Variants in TAF1L observed in about 807,000 individuals in gnomAD.
TAF1L encodes TATA-box binding protein associated factor 1 like, also known as transcription initiation factor TFIID subunit 1-like.
Under a neutral mutation model 128.8 loss-of-function variants are expected in TAF1L, and 30 were observed. That is an observed-to-expected ratio of 0.23 (90% CI 0.17 to 0.32). The LOEUF (loss-of-function observed/expected upper bound fraction) is 0.32. TAF1L is among the 10% of genes least tolerant of loss of function. The probability of loss-of-function intolerance (pLI) is 1.00; values close to 1 mark genes in which losing one functional copy is unlikely to be tolerated. For synonymous variants in TAF1L, 764 were observed against 790.7 expected, an observed-to-expected ratio of 0.97 and a Z score of 0.57; for missense variants, 2,099 against 2,253.7, an observed-to-expected ratio of 0.93 and a Z score of 1.39.
Position 32,630,090 on chromosome 9 carries a change from A to G in TAF1L, c.*9T>C. The stretch of plus-strand genomic sequence containing the variant: ...CCCACCGTCTCCCTCATGGGACATC[A>G]TGCTTTCTTCATTTTCCGTGCCCAT... On this transcript the variant is annotated 3_prime_UTR_variant, in exon 1 of 1. Coordinates refer to ENST00000242310, the MANE Select transcript of TAF1L (RefSeq NM_153809.2). 1.9e-6 allele frequency: 3 copies of G among 1,614,058 alleles called. No individual in the cohort carries two copies. The highest frequency in any genetic ancestry group is 1.7e-6 in the Non-Finnish European group (2 of 1,179,972).
rs55991718 is a variant in TAF1L, at chr9:32,634,813, C to G, written c.767G>C (p.Gly256Ala). Reference sequence around the variant, plus strand: ...AAGATGTAGGAAGCGTAACACTTTTCCAGGTCGAAATTCTGGAAAAAGTTC... The same window carrying G: ...AAGATGTAGGAAGCGTAACACTTTTGCAGGTCGAAATTCTGGAAAAAGTTC... ...VTELFPEFRP[G>A]KVLRFLHLFG... The change falls in exon 1 of 1, where the codon GGA (glycine) becomes GCA (alanine). Residue 256 changes from glycine to alanine, a missense_variant. Around this residue, in one of 4 missense-constraint regions of TAF1L, gnomAD observed 473 missense variants for 429.6 expected, o/e 1.10. Transcript: ENST00000242310. The G allele has an allele frequency of 7.6e-3, 12,214 of 1,614,154 alleles. 58 individuals are homozygous for G. Among genetic ancestry groups the G allele is most frequent in the Non-Finnish European group, 8.1e-3 (9,558 of 1,180,026 alleles).
rs533375922 is a variant in TAF1L at position 32,632,131 on chromosome 9, C to G, written c.3449G>C (p.Arg1150Pro). The change falls in exon 1 of 1, where the codon CGA (arginine) becomes CCA (proline). Residue 1150 changes from arginine to proline, a missense_variant. Arg to Pro is a moderately radical substitution (Grantham distance 103). Coordinates refer to ENST00000242310, the MANE Select transcript of TAF1L (RefSeq NM_153809.2). This position sits in a 1 kb window ranked among gnomAD's most constrained non-coding sequence, Gnocchi z 4.4. Reference sequence around the variant, plus strand: ...TGCTGAGCCTGCTACCAGTAGCATTCGCCGTAGTTCCTTCCGCTCCTGCTC... The same window carrying G: ...TGCTGAGCCTGCTACCAGTAGCATTGGCCGTAGTTCCTTCCGCTCCTGCTC... ...WEEQERKELR[R>P]MLLVAGSAAS... 6.2e-7 allele frequency: 1 copy of G among 1,614,146 alleles called. No individual in the cohort carries two copies. Among genetic ancestry groups the G allele is most frequent in the South Asian group, 1.1e-5 (1 of 91,082 alleles).
chr9:32,633,561 C>A lies in TAF1L; in HGVS notation c.2019G>T (p.Arg673Ser). 1 of 1,614,178 alleles carries A rather than the reference C, an allele frequency of 6.2e-7. No individual in the cohort carries two copies. The highest frequency in any genetic ancestry group is 8.5e-7 in the Non-Finnish European group (1 of 1,180,042). The change falls in exon 1 of 1, where the codon AGG (arginine) becomes AGT (serine). Residue 673 changes from arginine to serine, a missense_variant. Physicochemically the swap from Arg to Ser is moderately radical, Grantham distance 110. This residue lies in a region of TAF1L where 1,213 missense variants were observed against 1,391.4 expected (regional missense o/e 0.87). Coordinates refer to ENST00000242310, the MANE Select transcript of TAF1L (RefSeq NM_153809.2). The stretch of plus-strand genomic sequence containing the variant: ...ACAACTCTCCACCACCTGAGGCTTG[C>A]CTCTCTTGTTCTCTCATCTTGGCCT... Reference protein sequence around the residue: ...KKKAKMREQERQASGGGELFF... With the variant: ...KKKAKMREQESQASGGGELFF...
rs1450734429 is a variant in TAF1L, at chr9:32,629,968, T to C, written c.*131A>G. 5.2e-6 allele frequency: 8 copies of C among 1,527,730 alleles called. No individual in the cohort carries two copies. The highest frequency in any genetic ancestry group is 6.2e-6 in the Non-Finnish European group (7 of 1,135,072). The allele number at this position is 1,527,730 out of a possible 1,614,324, so 94.6% of individuals were successfully genotyped here. Reference sequence around the variant, plus strand: ...ACCATGCCCAGCTGGAAATTTCCGATGCTGCTGAAGCTTGTGTCTTGGGTG... The same window carrying C: ...ACCATGCCCAGCTGGAAATTTCCGACGCTGCTGAAGCTTGTGTCTTGGGTG... On this transcript the variant is annotated 3_prime_UTR_variant, in exon 1 of 1. Transcript: ENST00000242310.
In TAF1L at chr9:32,629,761, A is replaced by G. The variant is rs563710905; in HGVS notation, c.*338T>C. The G allele has an allele frequency of 4.2e-4, 178 of 424,906 alleles. No homozygotes were observed. Among genetic ancestry groups the G allele is most frequent in the Middle Eastern group, 2.0e-3 (3 of 1,506 alleles). 26.3% of individuals were successfully genotyped at this position (424,906 alleles called of 1,614,324 possible). A position where few individuals can be genotyped will look rare whatever the true frequency, so the allele number is the denominator to read the frequency against. On this transcript the variant is annotated 3_prime_UTR_variant, in exon 1 of 1. Coordinates refer to ENST00000242310, the MANE Select transcript of TAF1L (RefSeq NM_153809.2). The stretch of plus-strand genomic sequence containing the variant: ...CAACCTCTGCCTCCCGGGTTCAAGC[A>G]ATTCTCCTGCTTCAGCCTCCCGAGT...
chr9:32,629,666 C>CTT lies in TAF1L; in HGVS notation c.*431_*432dup. 9.0e-6 allele frequency: 2 copies of CTT among 222,880 alleles called. No individual in the cohort carries two copies. Among genetic ancestry groups the CTT allele is most frequent in the East Asian group, 1.2e-4 (1 of 8,652 alleles). 13.8% of individuals were successfully genotyped at this position (222,880 alleles called of 1,614,324 possible). ...AGATGATACCATGCTTGGAAATTTTCTTTTTTTTTGAGATGGAGTCTCACT... is the reference window on the plus strand; with the variant it reads ...AGATGATACCATGCTTGGAAATTTTCTTTTTTTTTTTGAGATGGAGTCTCACT... On this transcript the variant is annotated 3_prime_UTR_variant, in exon 1 of 1. Transcript: ENST00000242310.
Position 32,631,411 on chromosome 9 carries a change from T to C in TAF1L, c.4169A>G (p.His1390Arg), listed in dbSNP as rs62000415. Reference sequence around the variant, plus strand: ...TGTGCGGCGTCGGTGGATGGACTTATGAGGTATATTCAAATAGTCACAATG... The same window carrying C: ...TGTGCGGCGTCGGTGGATGGACTTACGAGGTATATTCAAATAGTCACAATG... ...TVHCDYLNIP[H>R]KSIHRRRTDP... The change falls in exon 1 of 1, where the codon CAT becomes CGT. Residue 1390 changes from histidine to arginine, a missense_variant. Around this residue, in one of 4 missense-constraint regions of TAF1L, gnomAD observed 1,213 missense variants for 1,391.4 expected, o/e 0.87. Transcript: ENST00000242310. The surrounding 1 kb of genome is among the most constrained non-coding windows in gnomAD (Gnocchi z 4.1). The C allele has an allele frequency of 1.0e-4, 169 of 1,614,182 alleles. No individual in the cohort carries two copies. The African/African-American group carries it at 1.5e-3, about 15-fold the overall frequency.
chr9:32,630,383 T>C lies in TAF1L; in HGVS notation c.5197A>G (p.Lys1733Glu), dbSNP rs1223995442. ...YDDEEEDGKP[K>E]PPAPEGGDGD... ...TCTCCCCCTTCTGGGGCTGGAGGCT[T>C]AGGTTTCCCATCCTCCTCCTCATCA... Residue 1733 changes from lysine to glutamate, a missense_variant, in exon 1 of 1, where the codon AAG (lysine) becomes GAG (glutamate). Lys to Glu is a moderately conservative substitution (Grantham distance 56, BLOSUM62 1). Coordinates refer to ENST00000242310, the MANE Select transcript of TAF1L (RefSeq NM_153809.2). 6.2e-7 allele frequency: 1 copy of C among 1,614,068 alleles called. No individual in the cohort carries two copies. Among genetic ancestry groups the C allele is most frequent in the Non-Finnish European group, 8.5e-7 (1 of 1,180,030 alleles).
In TAF1L at chr9:32,634,554, T is replaced by C. The variant is rs150598477; in HGVS notation, c.1026A>G (p.Gln342=). 9 of 1,614,022 alleles carry C rather than the reference T, an allele frequency of 5.6e-6. No individual in the cohort carries two copies. Among genetic ancestry groups the C allele is most frequent in the African/African-American group, 2.7e-5 (2 of 74,898 alleles). ...TCACTTTATCTACATCTCCAGTTGA[T>C]TGGGAAAATTTGGACTCCACAGGAA... ...MMVPVESKFS[Q]STGDVDKVTD... The change falls in exon 1 of 1, where the codon CAA becomes CAG. Residue 342 remains glutamine, a synonymous_variant. Transcript: ENST00000242310.
chr9:32,633,416 A>G lies in TAF1L; in HGVS notation c.2164T>C (p.Tyr722His), dbSNP rs1328769489. 3.7e-6 allele frequency: 6 copies of G among 1,614,192 alleles called. No homozygotes were observed. Among genetic ancestry groups the G allele is most frequent in the Non-Finnish European group, 5.1e-6 (6 of 1,180,032 alleles). ...TCTTTGCCAGGTTTCCGTTTATAATAGTTCTTTATCTTGGTTGCCATGCCA... is the reference window on the plus strand; with the variant it reads ...TCTTTGCCAGGTTTCCGTTTATAATGGTTCTTTATCTTGGTTGCCATGCCA... The part of the protein sequence containing the change: ...QVGMATKIKN[Y>H]YKRKPGKDPG... The change falls in exon 1 of 1, where the codon TAT becomes CAT. Residue 722 changes from tyrosine (Y) to histidine (H), a missense_variant. Around this residue, in one of 4 missense-constraint regions of TAF1L, gnomAD observed 1,213 missense variants for 1,391.4 expected, o/e 0.87. Coordinates refer to ENST00000242310, the MANE Select transcript of TAF1L (RefSeq NM_153809.2).
At position 32,630,157 on chromosome 9, in the gene TAF1L, TTGGG is replaced by T. The variant is rs1467201404; in HGVS notation, c.5419_5422del (p.Pro1807AsnfsTer90). 2 of 1,614,222 alleles carry T rather than the reference TTGGG, an allele frequency of 1.2e-6. No individual in the cohort carries two copies. The highest frequency in any genetic ancestry group is 1.7e-6 in the Non-Finnish European group (2 of 1,180,038). On this transcript the variant is annotated frameshift_variant, in exon 1 of 1. Transcript: ENST00000242310. LOFTEE classifies it high-confidence loss of function. ...AGCATGCTGAAGCATGAAGGGTTGT[TTGGG>T]TCTTATTCCACCATATCCCACATCA...
In TAF1L at chr9:32,630,646, A is replaced by G; in HGVS notation, c.4934T>C (p.Leu1645Ser). The G allele has an allele frequency of 1.2e-6, 2 of 1,614,192 alleles. No homozygotes were observed. Among genetic ancestry groups the G allele is most frequent in the Non-Finnish European group, 1.7e-6 (2 of 1,180,042 alleles). The change falls in exon 1 of 1, where the codon TTG becomes TCG. Residue 1645 changes from leucine (L) to serine (S), a missense_variant. Physicochemically the swap from Leu to Ser is moderately radical, Grantham distance 145. Coordinates refer to ENST00000242310, the MANE Select transcript of TAF1L (RefSeq NM_153809.2). ...KDICTAKEAALEEAELESLDP... is the reference protein window; with the variant it reads ...KDICTAKEAASEEAELESLDP... ...CAGGCTTTCTAATTCTGCTTCCTCC[A>G]AAGCTGCTTCTTTAGCTGTACAAAT...
rs984961180 is a variant in TAF1L, at chr9:32,631,023, A to G, written c.4557T>C (p.Asp1519=). 1.2e-6 allele frequency: 2 copies of G among 1,614,234 alleles called. No homozygotes were observed. Among genetic ancestry groups the G allele is most frequent in the Middle Eastern group, 3.3e-4 (2 of 6,062 alleles). Residue 1519 remains aspartate, a synonymous_variant, in exon 1 of 1, where the codon GAT becomes GAC. Coordinates refer to ENST00000242310, the MANE Select transcript of TAF1L (RefSeq NM_153809.2). The surrounding 1 kb of genome is among the most constrained non-coding windows in gnomAD (Gnocchi z 4.1). ...AAGAAAATGCCACTTGGTCATCATC[A>G]TCCAGCAAGGGGTTGATAGCTTTCT... ...RLEKAINPLL[D]DDDQVAFSFI...
In TAF1L at chr9:32,634,681, G is replaced by A. The variant is rs1251403818; in HGVS notation, c.899C>T (p.Ser300Leu). Residue 300 changes from serine to leucine, a missense_variant, in exon 1 of 1, where the codon TCA becomes TTA. Around this residue, in one of 4 missense-constraint regions of TAF1L, gnomAD observed 473 missense variants for 429.6 expected, o/e 1.10. Coordinates refer to ENST00000242310, the MANE Select transcript of TAF1L (RefSeq NM_153809.2). The stretch of plus-strand genomic sequence containing the variant: ...CTTCTGGCTGACTTCTGATTCTACT[G>A]AGCATTCCACCTCCTGGATCTGCTC... Reference protein sequence around the residue: ...QEEQIQEVECSVESEVSQKSL... With the variant: ...QEEQIQEVECLVESEVSQKSL... 1.2e-6 allele frequency: 2 copies of A among 1,614,042 alleles called. No homozygotes were observed. Among genetic ancestry groups the A allele is most frequent in the Admixed American group, 1.7e-5 (1 of 60,008 alleles).
chr9:32,635,281 A>C lies in TAF1L; in HGVS notation c.299T>G (p.Ile100Ser). 1 of 1,613,924 alleles carries C rather than the reference A, an allele frequency of 6.2e-7. No homozygotes were observed. The highest frequency in any genetic ancestry group is 8.5e-7 in the Non-Finnish European group (1 of 1,179,964). ...GGALVNDEGW[I>S]RSTEDAVDYS... is the part of the protein sequence containing the mutation. ...GTCTACAGCATCTTCTGTACTCCTAATCCACCCTTCATCATTTACCAAGGC... is the reference window on the plus strand; with the variant it reads ...GTCTACAGCATCTTCTGTACTCCTACTCCACCCTTCATCATTTACCAAGGC... Residue 100 changes from isoleucine (I) to serine (S), a missense_variant, in exon 1 of 1, where the codon ATT becomes AGT. Around this residue, in one of 4 missense-constraint regions of TAF1L, gnomAD observed 473 missense variants for 429.6 expected, o/e 1.10. Transcript: ENST00000242310.
In TAF1L at chr9:32,634,574, C is replaced by A. The variant is rs370279631; in HGVS notation, c.1006G>T (p.Val336Leu). ...ADDEITMMVP[V>L]ESKFSQSTGD... ...GTTGATTGGGAAAATTTGGACTCCA[C>A]AGGAACCATCATCGTGATTTCATCA... Residue 336 changes from valine (V) to leucine (L), a missense_variant, in exon 1 of 1, where the codon GTG becomes TTG. By Grantham distance (32) the Val-to-Leu change is conservative. Transcript: ENST00000242310. 1.9e-6 allele frequency: 3 copies of A among 1,614,186 alleles called. No individual in the cohort carries two copies. The highest frequency in any genetic ancestry group is 2.2e-5 in the South Asian group (2 of 91,078).
In TAF1L at chr9:32,635,127, A is replaced by G. The variant is rs988259551; in HGVS notation, c.453T>C (p.Asp151=). 1 of 1,614,126 alleles carries G rather than the reference A, an allele frequency of 6.2e-7. No homozygotes were observed. The highest frequency in any genetic ancestry group is 1.7e-5 in the Admixed American group (1 of 60,024). The change falls in exon 1 of 1, where the codon GAT becomes GAC. Residue 151 remains aspartate, a synonymous_variant. Coordinates refer to ENST00000242310, the MANE Select transcript of TAF1L (RefSeq NM_153809.2). The part of the protein sequence containing the change: ...DDYDADCEDI[D]CKLMPPPPPP... Reference sequence around the variant, plus strand: ...GAGGTGGAGGAGGCATCAACTTGCAATCAATGTCTTCACAATCAGCATCAT... The same window carrying G: ...GAGGTGGAGGAGGCATCAACTTGCAGTCAATGTCTTCACAATCAGCATCAT...
rs371663843 is a variant in TAF1L at position 32,635,002 on chromosome 9, G to T, written c.578C>A (p.Ser193Tyr). 6.2e-7 allele frequency: 1 copy of T among 1,614,066 alleles called. No homozygotes were observed. Among genetic ancestry groups the T allele is most frequent in the African/African-American group, 1.3e-5 (1 of 74,982 alleles). The change falls in exon 1 of 1, where the codon TCC becomes TAC. Residue 193 changes from serine (S) to tyrosine (Y), a missense_variant. By Grantham distance (144) the Ser-to-Tyr change is moderately radical (BLOSUM62 -2). Around this residue, in one of 4 missense-constraint regions of TAF1L, gnomAD observed 473 missense variants for 429.6 expected, o/e 1.10. Transcript: ENST00000242310. ...ATCCACTTTCTCTGAGGCCAAAAAG[G>T]AAGGGGCAATGATGGAGGGCAAGAT... ...DIILPSIIAP[S>Y]FLASEKVDFS...
At position 32,631,669 on chromosome 9, in the gene TAF1L, G is replaced by A; in HGVS notation, c.3911C>T (p.Thr1304Ile). 1 of 1,614,138 alleles carries A rather than the reference G, an allele frequency of 6.2e-7. No homozygotes were observed. Among genetic ancestry groups the A allele is most frequent in the East Asian group, 2.2e-5 (1 of 44,870 alleles). The change falls in exon 1 of 1, where the codon ACA becomes ATA. Residue 1304 changes from threonine (T) to isoleucine (I), a missense_variant. Physicochemically the swap from Thr to Ile is moderately conservative, Grantham distance 89 (BLOSUM62 -1). Coordinates refer to ENST00000242310, the MANE Select transcript of TAF1L (RefSeq NM_153809.2). This position sits in a 1 kb window ranked among gnomAD's most constrained non-coding sequence, Gnocchi z 4.1. Reference protein sequence around the residue: ...TNKFCPLYYQTNVPPSKPVAM... With the variant: ...TNKFCPLYYQINVPPSKPVAM... ...AACAGGTTTCGAAGGTGGCACATTT[G>A]TTTGATAATAGAGGGGGCAGAATTT...
Sources: gnomAD v4.1 joint callset for allele counts on GRCh38, gnomAD v4.1.1 for gene constraint, gnomAD v4.1.1 regional missense constraint, Gnocchi (gnomAD v3.1) non-coding constraint, MANE v1.5 for transcripts, NCBI Gene and HGNC (gene_info 2026-07-23, HGNC 2026-07-21) for gene names.